Variants in TBC1D9 observed in about 807,000 individuals in gnomAD.
TBC1D9 encodes the protein TBC1 domain family member 9A.
In TBC1D9, 63 loss-of-function variants were observed where a neutral mutation model predicts 132.0. The ratio of observed to expected loss-of-function variants is 0.48; its 90% CI spans 0.39 to 0.59. The LOEUF is 0.59. TBC1D9 is among the 20% of genes least tolerant of loss of function. The pLI is 0.00. For missense variants in TBC1D9, 1,261 were observed against 1,592.7 expected, an observed-to-expected ratio of 0.79 and a Z score of 3.54; for synonymous variants, 610 against 609.9, an observed-to-expected ratio of 1.00 and a Z score of 0.00.
At chr4:140,747,158 G>A (rs1738849178) in intron 1 of TBC1D9, among the ~76,000 whole-genome samples, 2 of 152,016 alleles carry the variant, frequency 1.3e-5, no homozygotes, top group Admixed American at 6.6e-5. Flanking sequence ...GACTGGCCTG[G>A]CCAACGTGGT....
At chr4:140,688,607 C>T (rs890236666) in intron 2 of TBC1D9, among the ~76,000 whole-genome samples, 4 of 151,864 alleles carry the variant, frequency 2.6e-5, no homozygotes, top group Non-Finnish European at 5.9e-5. Flanking sequence ...AGTTTGAGGC[C>T]GCAGTGAGCC....
In TBC1D9 at chr4:140,639,419, T is replaced by C; in HGVS notation, c.2347A>G (p.Thr783Ala). 6.2e-7 allele frequency: 1 copy of C among 1,609,766 alleles called. No homozygotes were observed. Among genetic ancestry groups the C allele is most frequent in the Non-Finnish European group, 8.5e-7 (1 of 1,177,802 alleles). Reference sequence around the variant, plus strand: ...TGTTCAATCAAATCTGCCCGGATAGTTCCGAATTTCTGTAAAGGAGCAATA... The same window carrying C: ...TGTTCAATCAAATCTGCCCGGATAGCTCCGAATTTCTGTAAAGGAGCAATA... ...LIRTSYEKFGTIRADLIEQMR... is the reference protein window; with the variant it reads ...LIRTSYEKFGAIRADLIEQMR... Residue 783 changes from threonine to alanine, a missense_variant, in exon 14 of 21, where the codon ACT becomes GCT. Around this residue, in one of 3 missense-constraint regions of TBC1D9, gnomAD observed 618 missense variants for 724.4 expected, o/e 0.85. Coordinates refer to ENST00000442267, the MANE Select transcript of TBC1D9 (RefSeq NM_015130.3).
At chr4:140,721,956 C>A (rs555324274) in intron 1 of TBC1D9, among the ~76,000 whole-genome samples, 2 of 152,294 alleles carry the variant, frequency 1.3e-5, no homozygotes, top group Non-Finnish European at 2.9e-5. Flanking sequence ...TTACCAGACT[C>A]CATGCCTAGC....
chr4:140,640,101 T>C (rs1295630831), intron 13 of TBC1D9, among the ~76,000 whole-genome samples: 1 of 152,096 alleles, frequency 6.6e-6, no homozygotes, highest in East Asian at 1.9e-4. Flanking sequence ...TTAAATATAT[T>C]TGGAAACCAA....
At chr4:140,716,196 T>C (rs912423237) in intron 1 of TBC1D9, 6 of 152,196 alleles carry the variant, frequency 3.9e-5, no homozygotes, top group Non-Finnish European at 7.3e-5. Context: ...TTGAAAAACA[T>C]TGATAATAGG....
chr4:140,627,613 A>G (rs1270508798), intron 17 of TBC1D9, 86 bp from the exon 18 acceptor site: 2 of 907,262 alleles, frequency 2.2e-6, no homozygotes, highest in Non-Finnish European at 3.5e-6. Flanking sequence ...AAATGACATA[A>G]GTGGGGATGA....
chr4:140,669,951 A>C (rs1737510223), intron 7 of TBC1D9, 147 bp from the exon 8 acceptor site: 1 of 842,576 alleles, frequency 1.2e-6, no homozygotes, highest in African/African-American at 1.7e-5. Flanking sequence ...AAAAGCAGCA[A>C]GCCATCATTT....
intron 1 of TBC1D9, among the ~76,000 whole-genome samples, chr4:140,708,836 G>A (rs1223447800): frequency 6.6e-6 from 1 of 152,096 alleles, no homozygotes; most frequent in African/African-American, 2.4e-5. Context: ...GACAGGAGAT[G>A]GGTACAATGT....
At chr4:140,653,098 G>A (rs191235189) in intron 13 of TBC1D9, among the ~76,000 whole-genome samples, 9 of 152,318 alleles carry the variant, frequency 5.9e-5, no homozygotes, top group Admixed American at 5.9e-4. Context: ...CTACACAGAA[G>A]AAAACTGGAG....
At chr4:140,666,251 C>T (rs763458942) in intron 9 of TBC1D9, among the ~76,000 whole-genome samples, 4 of 152,144 alleles carry the variant, frequency 2.6e-5, no homozygotes, top group Non-Finnish European at 4.4e-5. Flanking sequence ...TGTCTAGCAA[C>T]AGAAAGTAGT....
At position 140,667,153 on chromosome 4, in the gene TBC1D9, CATG is replaced by C. The variant is rs952234779; in HGVS notation, c.1588+1761_1588+1763del. Among the ~76,000 whole-genome samples, 60 of 152,192 alleles carry C rather than the reference CATG, an allele frequency of 3.9e-4. 1 individual carries two copies. The highest frequency in any genetic ancestry group is 2.4e-4 in the Non-Finnish European group (16 of 68,022). On this transcript the variant is annotated intron_variant, in intron 9 of 20. Coordinates refer to ENST00000442267, the MANE Select transcript of TBC1D9 (RefSeq NM_015130.3). Reference sequence around the variant, plus strand: ...CTCTGGCCTGGAGCTGTGCTCTCTTCATGATAGGCTGGCCTTCAGGCGAACCCC... The same window carrying C: ...CTCTGGCCTGGAGCTGTGCTCTCTTCATAGGCTGGCCTTCAGGCGAACCCC...
At chr4:140,727,117 A>G (rs1479235280) in intron 1 of TBC1D9, among the ~76,000 whole-genome samples, 1 of 152,226 alleles carries the variant, frequency 6.6e-6, no homozygotes, top group African/African-American at 2.4e-5. Flanking sequence ...AAAATTATAG[A>G]GAGAACTTAG....
At chr4:140,745,160 A>G (rs1195751278) in intron 1 of TBC1D9, among the ~76,000 whole-genome samples, 1 of 152,202 alleles carries the variant, frequency 6.6e-6, no homozygotes, top group East Asian at 1.9e-4. Flanking sequence ...CCTAAAAAGT[A>G]TAAATCCAAA....
intron 13 of TBC1D9, chr4:140,642,855 T>C: frequency 3.5e-6 from 2 of 576,866 alleles, no homozygotes; most frequent in Non-Finnish European, 6.1e-6. Context: ...GGCGTGGGTC[T>C]GTTTCCACGG....
chr4:140,707,015 G>A (rs1365137136), intron 1 of TBC1D9, among the ~76,000 whole-genome samples: 1 of 152,024 alleles, frequency 6.6e-6, no homozygotes, highest in Non-Finnish European at 1.5e-5. Flanking sequence ...CAGGTCCTAG[G>A]GTAAGTTCAT....
chr4:140,640,740 T>C (rs1736974341), intron 13 of TBC1D9, among the ~76,000 whole-genome samples: 1 of 152,128 alleles, frequency 6.6e-6, no homozygotes, highest in Non-Finnish European at 1.5e-5. Context: ...TTGGTAAAGA[T>C]ATAGTGCAAC....
chr4:140,643,310 G>A (rs968747181), intron 13 of TBC1D9: 4 of 1,315,990 alleles, frequency 3.0e-6, no homozygotes, highest in African/African-American at 2.9e-5. Flanking sequence ...CCAAGACAAG[G>A]CTCTCGGCAG....
chr4:140,703,448 G>A (rs1178926265), intron 1 of TBC1D9, among the ~76,000 whole-genome samples: 5 of 152,164 alleles, frequency 3.3e-5, no homozygotes, highest in African/African-American at 4.8e-5. Flanking sequence ...ACTCATGTTC[G>A]GAAGAGCTCA....
intron 18 of TBC1D9, among the ~76,000 whole-genome samples, chr4:140,626,912 T>C (rs748699668): frequency 2.6e-4 from 40 of 152,336 alleles, no homozygotes; most frequent in Admixed American, 5.2e-4. Flanking sequence ...TTATAGGCAC[T>C]GAAGTTTCTA....
Sources: allele counts gnomAD v4.1 joint callset (sites outside exome capture counted in the v4.1 genomes callset), GRCh38; gene constraint gnomAD v4.1.1; regional missense constraint gnomAD v4.1.1; transcripts MANE v1.5; gene names NCBI Gene and HGNC (gene_info 2026-07-23, HGNC 2026-07-21).